KHDRBS2: variants seen among roughly 807,000 people sequenced by gnomAD.
KHDRBS2 encodes the protein KH domain-containing, RNA-binding, signal transduction-associated protein 2.
In KHDRBS2, 26 loss-of-function variants were observed where a neutral mutation model predicts 44.3. That is an observed-to-expected ratio of 0.59 (90% confidence interval 0.43 to 0.81). The LOEUF is 0.81. Ranked by LOEUF, KHDRBS2 falls within the 40% of genes least tolerant of loss-of-function variation. KHDRBS2 has a pLI of 0.00. For synonymous variants in KHDRBS2, 194 were observed against 151.1 expected, an observed-to-expected ratio of 1.28 and a Z score of -2.08; for missense variants, 476 against 433.1, an observed-to-expected ratio of 1.10 and a Z score of -0.88.
At chr6:61,610,155 G>A in the KHDRBS2 span, among the ~76,000 whole-genome samples, 1 of 151,560 alleles carries the variant, frequency 6.6e-6, no homozygotes, top group African/African-American at 2.4e-5. Flanking sequence ...CAGCCTGGGT[G>A]GCAGAACGAG....
chr6:61,860,234 C>A (rs1162792513), intron 6 of KHDRBS2, among the ~76,000 whole-genome samples: 2 of 151,718 alleles, frequency 1.3e-5, no homozygotes, highest in Non-Finnish European at 2.9e-5. Flanking sequence ...CAAAAATTCC[C>A]CACAAGAAGA....
At chr6:62,255,191 A>G (rs1233963846) in intron 1 of KHDRBS2, among the ~76,000 whole-genome samples, 1 of 152,096 alleles carries the variant, frequency 6.6e-6, no homozygotes, top group African/African-American at 2.4e-5. Flanking sequence ...TTGGAAATCC[A>G]GAACACATTT....
chr6:61,949,110 C>T (rs570221724), intron 4 of KHDRBS2, among the ~76,000 whole-genome samples: 15 of 152,134 alleles, frequency 9.9e-5, no homozygotes, highest in African/African-American at 3.4e-4. Context: ...GACCAGGCCC[C>T]ATGGAAGAGG....
intron 6 of KHDRBS2, among the ~76,000 whole-genome samples, chr6:61,792,351 AATTT>A (rs1157529488): frequency 2.6e-5 from 4 of 151,346 alleles, no homozygotes; most frequent in Non-Finnish European, 5.9e-5. Flanking sequence ...TACATAATCA[AATTT>A]ATTTATCTTT....
intron 2 of KHDRBS2, among the ~76,000 whole-genome samples, chr6:62,097,459 T>C (rs1357026169): frequency 6.6e-6 from 1 of 152,092 alleles, no homozygotes; most frequent in Non-Finnish European, 1.5e-5. Context: ...TTTTAGTAAA[T>C]TGACCCCTTT....
At chr6:62,073,649 A>G (rs1795745076) in intron 2 of KHDRBS2, among the ~76,000 whole-genome samples, 1 of 146,948 alleles carries the variant, frequency 6.8e-6, no homozygotes. Context: ...AGTTTAGTTC[A>G]TTGATGTGAG....
chr6:62,041,751 A>C (rs1348038822), intron 3 of KHDRBS2, among the ~76,000 whole-genome samples: 1 of 152,140 alleles, frequency 6.6e-6, no homozygotes, highest in African/African-American at 2.4e-5. Context: ...TCTAGATGCG[A>C]ATAAAATCAG....
At chr6:62,084,057 G>A (rs1242105377) in intron 2 of KHDRBS2, among the ~76,000 whole-genome samples, 3 of 151,988 alleles carry the variant, frequency 2.0e-5, no homozygotes, top group African/African-American at 4.8e-5. Flanking sequence ...TTCCTTTCTT[G>A]TACTCCTCCA....
the KHDRBS2 span, among the ~76,000 whole-genome samples, chr6:61,648,842 C>T: frequency 1.3e-5 from 2 of 152,058 alleles, no homozygotes; most frequent in Non-Finnish European, 1.5e-5. Flanking sequence ...TAGTGCGGCC[C>T]TCCTACCTTA....
chr6:61,721,183 C>A (rs190257278), intron 7 of KHDRBS2, among the ~76,000 whole-genome samples: 4,150 of 152,098 alleles, frequency 0.027, 82 homozygotes, highest in Middle Eastern at 0.082. Context: ...TTACTGTAGC[C>A]TTGTAGTATA....
At chr6:62,065,461 T>G (rs1163963906) in intron 2 of KHDRBS2, among the ~76,000 whole-genome samples, 1 of 150,210 alleles carries the variant, frequency 6.7e-6, no homozygotes, top group Non-Finnish European at 1.5e-5. Context: ...CCATAAAAAA[T>G]GATGAGTTCA....
chr6:62,051,137 T>G (rs927170822), intron 2 of KHDRBS2, among the ~76,000 whole-genome samples: 2 of 152,058 alleles, frequency 1.3e-5, no homozygotes, highest in Non-Finnish European at 2.9e-5. Context: ...GAAAGCGGCA[T>G]GAAGGAAATA....
At chr6:62,076,202 C>T (rs1470987145) in intron 2 of KHDRBS2, among the ~76,000 whole-genome samples, 5 of 151,928 alleles carry the variant, frequency 3.3e-5, no homozygotes, top group African/African-American at 7.2e-5. Context: ...TGGATTAAAA[C>T]ACTATATTGC....
intron 2 of KHDRBS2, among the ~76,000 whole-genome samples, chr6:62,063,894 C>A (rs1317507283): frequency 7.3e-6 from 1 of 136,526 alleles, no homozygotes; most frequent in East Asian, 2.1e-4. Flanking sequence ...TTGTCTCAGC[C>A]CAAAATCTCC....
chr6:61,611,286 T>G, the KHDRBS2 span, among the ~76,000 whole-genome samples: 1 of 152,190 alleles, frequency 6.6e-6, no homozygotes, highest in East Asian at 1.9e-4. Context: ...CCTGGGCTAT[T>G]GCATATACTG....
intron 3 of KHDRBS2, among the ~76,000 whole-genome samples, chr6:62,025,466 C>A (rs1376092824): frequency 1.3e-5 from 2 of 151,484 alleles, no homozygotes; most frequent in South Asian, 2.1e-4. Flanking sequence ...TAAAAATATT[C>A]TTCTACATAT....
intron 2 of KHDRBS2, among the ~76,000 whole-genome samples, chr6:62,166,949 G>T (rs1348824329): frequency 6.6e-6 from 1 of 152,056 alleles, no homozygotes; most frequent in Non-Finnish European, 1.5e-5. Flanking sequence ...AGAATGGCAG[G>T]ATTGTAGAGA....
chr6:61,720,040 GT>G (rs1772138230), intron 7 of KHDRBS2, among the ~76,000 whole-genome samples: 1 of 151,794 alleles, frequency 6.6e-6, no homozygotes, highest in Non-Finnish European at 1.5e-5. Context: ...TTGGTTTTTT[GT>G]TCTTGCGATA....
At chr6:61,868,038 T>G (rs1218574074) in intron 6 of KHDRBS2, among the ~76,000 whole-genome samples, 1 of 152,144 alleles carries the variant, frequency 6.6e-6, no homozygotes. Context: ...CTCCAAGGCC[T>G]GCAGGCTGGA....
Sources: allele counts gnomAD v4.1 joint callset (sites outside exome capture counted in the v4.1 genomes callset), GRCh38; gene constraint gnomAD v4.1.1; transcripts MANE v1.5; gene names NCBI Gene and HGNC (gene_info 2026-07-23, HGNC 2026-07-21).